Variants in PTPRD observed in about 807,000 individuals in gnomAD.
The protein encoded by PTPRD is protein tyrosine phosphatase receptor type D, also known as receptor-type tyrosine-protein phosphatase delta.
In PTPRD, 34 loss-of-function variants were observed where a neutral mutation model predicts 214.5. The observed-to-expected ratio is 0.16, with a 90% CI of 0.12 to 0.21. The LOEUF (loss-of-function observed/expected upper bound fraction) is 0.21. PTPRD is among the 10% of genes least tolerant of loss of function. The probability of loss-of-function intolerance (pLI) is 1.00; values close to 1 mark genes in which losing one functional copy is unlikely to be tolerated. For synonymous variants in PTPRD, 1,128 were observed against 845.7 expected (o/e 1.33, Z -5.79); for missense variants, 2,545 against 2,398.7 (o/e 1.06, Z -1.27).
chr9:10,018,586 C>A (rs1325555802), intron 4 of PTPRD, among the ~76,000 whole-genome samples: 1 of 102,708 alleles, frequency 9.7e-6, no homozygotes, highest in African/African-American at 3.5e-5. Context: ...CTCGCTCTGT[C>A]GCCCAGGCTG....
At chr9:10,312,710 TAA>T (rs1440024563) in intron 3 of PTPRD, among the ~76,000 whole-genome samples, 1 of 151,448 alleles carries the variant, frequency 6.6e-6, no homozygotes, top group African/African-American at 2.4e-5. Flanking sequence ...GAAAAGAGAG[TAA>T]GACAATAAAA....
chr9:8,352,379 C>T (rs532333426), intron 39 of PTPRD, among the ~76,000 whole-genome samples: 8 of 152,238 alleles, frequency 5.3e-5, no homozygotes, highest in East Asian at 1.9e-4. Flanking sequence ...AATGATGCTA[C>T]GGAAGTTTAG....
intron 36 of PTPRD, among the ~76,000 whole-genome samples, chr9:8,399,439 T>C (rs950486122): frequency 6.6e-6 from 1 of 152,178 alleles, no homozygotes; most frequent in African/African-American, 2.4e-5. Context: ...AAAGAGTGAA[T>C]GTTAACTGCA....
intron 12 of PTPRD, among the ~76,000 whole-genome samples, chr9:8,730,542 G>C (rs954799209): frequency 1.3e-5 from 2 of 152,222 alleles, no homozygotes; most frequent in African/African-American, 4.8e-5. Context: ...TATGCTACAA[G>C]TGATTTCGTT....
chr9:9,931,029 A>G (rs952831759), intron 5 of PTPRD, among the ~76,000 whole-genome samples: 3 of 152,260 alleles, frequency 2.0e-5, no homozygotes, highest in Admixed American at 1.3e-4. Flanking sequence ...ATTCTGTATT[A>G]TAACTTGATT....
intron 5 of PTPRD, among the ~76,000 whole-genome samples, chr9:9,789,516 G>C (rs771380526): frequency 6.6e-6 from 1 of 152,000 alleles, no homozygotes; most frequent in African/African-American, 2.4e-5. Flanking sequence ...CTTTTAAATC[G>C]GCCAGGTGCG....
At chr9:9,579,165 C>T (rs1273615863) in intron 7 of PTPRD, among the ~76,000 whole-genome samples, 2 of 152,122 alleles carry the variant, frequency 1.3e-5, no homozygotes, top group East Asian at 3.9e-4. Context: ...TTTTAGGAGT[C>T]AAGTAATTAT....
At chr9:9,695,155 G>T (rs1013209118) in intron 7 of PTPRD, among the ~76,000 whole-genome samples, 1 of 152,116 alleles carries the variant, frequency 6.6e-6, no homozygotes, top group Non-Finnish European at 1.5e-5. Flanking sequence ...GGGCTCAAGG[G>T]CTCTTTAGTC....
At chr9:9,258,371 G>C (rs1240473988) in intron 9 of PTPRD, among the ~76,000 whole-genome samples, 2 of 151,698 alleles carry the variant, frequency 1.3e-5, no homozygotes, top group African/African-American at 4.8e-5. Context: ...ATTATGGTTT[G>C]TAATCTGTAT....
chr9:8,820,692 G>A (rs542657465), intron 11 of PTPRD, among the ~76,000 whole-genome samples: 1 of 151,876 alleles, frequency 6.6e-6, no homozygotes, highest in South Asian at 2.1e-4. Flanking sequence ...CTCAGCGAAC[G>A]CCTCCTTGAA....
At chr9:8,428,638 A>T (rs9792615) in intron 35 of PTPRD, among the ~76,000 whole-genome samples, 8,636 of 152,114 alleles carry the variant, frequency 0.057, 319 homozygotes, top group East Asian at 0.12. Flanking sequence ...ACCTTCAAGA[A>T]AAAATCCAGT....
chr9:10,004,209 A>G (rs1227928996), intron 4 of PTPRD, among the ~76,000 whole-genome samples: 1 of 151,902 alleles, frequency 6.6e-6, no homozygotes, highest in African/African-American at 2.4e-5. Context: ...TTTAGGTTGT[A>G]TATATTGGGT....
intron 7 of PTPRD, among the ~76,000 whole-genome samples, chr9:9,732,190 G>A (rs1048014786): frequency 6.6e-6 from 1 of 152,040 alleles, no homozygotes; most frequent in African/African-American, 2.4e-5. Flanking sequence ...GCTTGTAAAG[G>A]GAGAAAACTG....
intron 2 of PTPRD, among the ~76,000 whole-genome samples, chr9:10,492,085 T>A (rs1342666036): frequency 6.6e-6 from 1 of 152,214 alleles, no homozygotes; most frequent in Non-Finnish European, 1.5e-5. Context: ...CGTGTACATG[T>A]GCCACATTGT....
intron 44 of PTPRD, among the ~76,000 whole-genome samples, chr9:8,328,475 G>C (rs1286094681): frequency 6.6e-6 from 1 of 152,094 alleles, no homozygotes; most frequent in Non-Finnish European, 1.5e-5. Flanking sequence ...CAAGCTTGGT[G>C]AATCTGATGA....
At chr9:9,083,930 T>A (rs2099762931) in intron 10 of PTPRD, among the ~76,000 whole-genome samples, 1 of 152,102 alleles carries the variant, frequency 6.6e-6, no homozygotes. Context: ...TGTGGAGAAA[T>A]AGGAACACTT....
chr9:9,787,944 G>C (rs566705949), intron 5 of PTPRD, among the ~76,000 whole-genome samples: 3 of 151,610 alleles, frequency 2.0e-5, no homozygotes, highest in East Asian at 2.0e-4. Flanking sequence ...ACCATGCCTG[G>C]CTAATTTTTT....
intron 4 of PTPRD, among the ~76,000 whole-genome samples, chr9:9,945,464 C>A (rs184065222): frequency 3.3e-5 from 5 of 152,180 alleles, no homozygotes; most frequent in Admixed American, 3.3e-4. Flanking sequence ...TAAAATGGAG[C>A]TGTTAATGAA....
At chr9:9,947,565 T>TATATATA (rs1491402317) in intron 4 of PTPRD, among the ~76,000 whole-genome samples, 471 of 36,844 alleles carry the variant, frequency 0.013, 16 homozygotes, top group African/African-American at 0.08. Context: ...ATATATATTT[T>TATATATA]ATATATATAT....
Sources: allele counts gnomAD v4.1 joint callset (sites outside exome capture counted in the v4.1 genomes callset), GRCh38; gene constraint gnomAD v4.1.1; transcripts MANE v1.5; gene names NCBI Gene and HGNC (gene_info 2026-07-23, HGNC 2026-07-21).